MYOF: variants seen among roughly 807,000 people sequenced by gnomAD.
MYOF encodes the protein fer-1-like 3, myoferlin.
In MYOF, 244 loss-of-function variants were observed where a neutral mutation model predicts 284.2. That is an observed-to-expected ratio of 0.86 (90% confidence interval 0.77 to 0.95). The LOEUF is 0.95. Among genes scored for constraint, MYOF ranks in the 40% least tolerant of loss-of-function variants. MYOF has a pLI of 0.00. For missense variants in MYOF, 2,496 were observed against 2,560.6 expected (o/e 0.97, Z 0.54); for synonymous variants, 904 against 919.7 (o/e 0.98, Z 0.31).
chr10:93,464,334 A>G (rs988445873), intron 1 of MYOF, among the ~76,000 whole-genome samples: 1 of 152,128 alleles, frequency 6.6e-6, no homozygotes, highest in South Asian at 2.1e-4. Flanking sequence ...GTTCCTTAAA[A>G]TCTCTCTTTC....
intron 4 of MYOF, among the ~76,000 whole-genome samples, chr10:93,426,954 T>C (rs1848618238): frequency 7.4e-6 from 1 of 134,366 alleles, no homozygotes; most frequent in South Asian, 2.7e-4. Context: ...GGGCGCAATC[T>C]CGGCTCACTG....
At chr10:93,332,764 G>A (rs546622679) in intron 43 of MYOF, among the ~76,000 whole-genome samples, 60 of 152,020 alleles carry the variant, frequency 3.9e-4, no homozygotes, top group Non-Finnish European at 7.1e-4. Context: ...GGAGAATGGC[G>A]TGAACCCAGG....
At chr10:93,374,602 G>T (rs1845750228) in intron 23 of MYOF, among the ~76,000 whole-genome samples, 161 bp downstream of exon 23, 1 of 152,140 alleles carries the variant, frequency 6.6e-6, no homozygotes, top group Non-Finnish European at 1.5e-5. Flanking sequence ...TTCATCATTA[G>T]CATCCTCAGC....
intron 19 of MYOF, among the ~76,000 whole-genome samples, chr10:93,383,210 T>G (rs182280642): frequency 7.2e-5 from 11 of 152,192 alleles, no homozygotes; most frequent in Admixed American, 3.3e-4. Flanking sequence ...ATTTTTAAAT[T>G]TTTAAGGACT....
intron 3 of MYOF, among the ~76,000 whole-genome samples, chr10:93,434,630 C>T (rs769937781): frequency 3.9e-5 from 6 of 152,020 alleles, no homozygotes; most frequent in African/African-American, 1.5e-4. Flanking sequence ...ATACATTTAA[C>T]TTCTACATGT....
intron 31 of MYOF, 51 bp from the exon 32 acceptor site, chr10:93,353,939 G>T: frequency 7.2e-7 from 1 of 1,386,208 alleles, no homozygotes; most frequent in Non-Finnish European, 1.0e-6. Flanking sequence ...ACTGTAAACT[G>T]CTATTTTACT....
chr10:93,378,016 A>G (rs931015469), intron 21 of MYOF, among the ~76,000 whole-genome samples: 2 of 152,258 alleles, frequency 1.3e-5, no homozygotes, highest in Admixed American at 1.3e-4. Flanking sequence ...GCCTAGAAGC[A>G]ATGATATTTC....
At chr10:93,452,207 TA>T in intron 2 of MYOF, 66 bp from the exon 3 acceptor site, 1 of 969,378 alleles carries the variant, frequency 1.0e-6, no homozygotes, top group Non-Finnish European at 1.6e-6. Flanking sequence ...GAGATTACAC[TA>T]AGATGCACCA....
At chr10:93,400,135 C>T (rs1239002145) in intron 12 of MYOF, among the ~76,000 whole-genome samples, 2 of 152,106 alleles carry the variant, frequency 1.3e-5, no homozygotes, top group Non-Finnish European at 2.9e-5. Flanking sequence ...CTCAGGCCTG[C>T]TTTCAATTGG....
intron 45 of MYOF, among the ~76,000 whole-genome samples, chr10:93,328,425 G>T (rs926157480): frequency 6.6e-6 from 1 of 152,184 alleles, no homozygotes; most frequent in African/African-American, 2.4e-5. Context: ...CAGAACAAAT[G>T]ATGGGATAAA....
At chr10:93,383,893 G>A (rs1846237231) in intron 19 of MYOF, among the ~76,000 whole-genome samples, 1 of 152,146 alleles carries the variant, frequency 6.6e-6, no homozygotes, top group African/African-American at 2.4e-5. Flanking sequence ...AGCTGGGCCG[G>A]CTCTACCCCG....
chr10:93,308,858 T>C (rs1202907402), intron 53 of MYOF, among the ~76,000 whole-genome samples: 1 of 151,988 alleles, frequency 6.6e-6, no homozygotes, highest in Non-Finnish European at 1.5e-5. Context: ...ATTACAGGCA[T>C]GTGCCACCAC....
chr10:93,459,004 A>G (rs750306423), intron 1 of MYOF, among the ~76,000 whole-genome samples: 8 of 152,210 alleles, frequency 5.3e-5, no homozygotes, highest in Non-Finnish European at 1.0e-4. Flanking sequence ...GCTAAGCATT[A>G]ACTTTTCCAC....
At position 93,351,585 on chromosome 10, in the gene MYOF, G is replaced by C; in HGVS notation, c.3664-14C>G. ...TTCATCTTTGCCCTAGAGAAACAAA[G>C]TGATCCTTAAATTCCCCGACAATCA... On this transcript the variant is annotated splice_polypyrimidine_tract_variant and intron_variant, in intron 33 of 53. Coordinates refer to ENST00000359263, the MANE Select transcript of MYOF (RefSeq NM_013451.4). The C allele has an allele frequency of 1.2e-6, 2 of 1,613,018 alleles. No homozygotes were observed. The highest frequency in any genetic ancestry group is 1.7e-6 in the Non-Finnish European group (2 of 1,179,460).
At chr10:93,451,538 C>T (rs1009234203) in intron 3 of MYOF, among the ~76,000 whole-genome samples, 1 of 151,964 alleles carries the variant, frequency 6.6e-6, no homozygotes, top group African/African-American at 2.4e-5. Flanking sequence ...CCACCGTGAC[C>T]CTTCCCCATG....
At chr10:93,403,815 G>A (rs1299300823) in intron 9 of MYOF, among the ~76,000 whole-genome samples, 2 of 152,118 alleles carry the variant, frequency 1.3e-5, no homozygotes, top group Non-Finnish European at 2.9e-5. Context: ...CCCTGATATG[G>A]CAGCTTCAGG....
Position 93,353,819 on chromosome 10 carries a change from C to T in MYOF, c.3473G>A (p.Ser1158Asn), listed in dbSNP as rs1390451866. 2 of 1,607,872 alleles carry T rather than the reference C, an allele frequency of 1.2e-6. No homozygotes were observed. Among genetic ancestry groups the T allele is most frequent in the Middle Eastern group, 1.7e-4 (1 of 6,028 alleles). The change falls in exon 32 of 54, where the codon AGC becomes AAC. Residue 1158 changes from serine to asparagine, a missense_variant. By Grantham distance (46) the Ser-to-Asn change is conservative (BLOSUM62 1). Around this residue, in one of 3 missense-constraint regions of MYOF, gnomAD observed 2,436 missense variants for 2,480.7 expected, o/e 0.98. Transcript: ENST00000359263. ...GATTTTTTTTCCTTTACCTGAAAAG[C>T]TATCCTTATCTAAAGCCAAGAGGTT... ...ARNLLALDKD[S>N]FSDPYAHICF...
At chr10:93,455,918 A>G (rs1055214162) in intron 2 of MYOF, among the ~76,000 whole-genome samples, 1 of 152,216 alleles carries the variant, frequency 6.6e-6, no homozygotes, top group African/African-American at 2.4e-5. Context: ...AAAGAGAGAG[A>G]CAGAGAGAGA....
chr10:93,340,368 G>T, intron 38 of MYOF: 2 of 547,120 alleles, frequency 3.7e-6, no homozygotes, highest in Non-Finnish European at 6.5e-6. Context: ...CACCTTACTG[G>T]TTTCTTTTCT....
Sources: allele counts gnomAD v4.1 joint callset (sites outside exome capture counted in the v4.1 genomes callset), GRCh38; gene constraint gnomAD v4.1.1; regional missense constraint gnomAD v4.1.1; transcripts MANE v1.5; gene names NCBI Gene and HGNC (gene_info 2026-07-23, HGNC 2026-07-21).